The following GRID1 variants were observed in gnomAD, a reference collection of about 807,000 sequenced individuals.
GRID1 encodes the protein glutamate receptor ionotropic, delta-1.
In GRID1, 28 loss-of-function variants were observed where a neutral mutation model predicts 98.0. The ratio of observed to expected loss-of-function variants is 0.29; its 90% confidence interval spans 0.21 to 0.39. The LOEUF (loss-of-function observed/expected upper bound fraction) is 0.39, where lower values mean the gene tolerates loss of function less well. Ranked by LOEUF, GRID1 falls within the 10% of genes least tolerant of loss-of-function variation. The probability of loss-of-function intolerance (pLI) is 1.00; values close to 1 mark genes in which losing one functional copy is unlikely to be tolerated. For missense variants in GRID1, 1,111 were observed against 1,340.5 expected, an observed-to-expected ratio of 0.83 and a Z score of 2.67; for synonymous variants, 553 against 538.5, an observed-to-expected ratio of 1.03 and a Z score of -0.37.
chr10:86,295,927 C>T (rs1847582523), intron 2 of GRID1, among the ~76,000 whole-genome samples: 1 of 152,240 alleles, frequency 6.6e-6, no homozygotes, highest in South Asian at 2.1e-4. Flanking sequence ...CTGACTCAAA[C>T]ACCTCATCCA....
intron 2 of GRID1, among the ~76,000 whole-genome samples, chr10:86,292,512 A>C (rs1330959671): frequency 6.6e-6 from 1 of 152,216 alleles, no homozygotes; most frequent in Non-Finnish European, 1.5e-5. Context: ...CTCACAGATA[A>C]GCGTCGCCCC....
Position 86,159,642 on chromosome 10 carries a change from G to A in GRID1, c.521-20618C>T, listed in dbSNP as rs1411432762. Among the ~76,000 whole-genome samples, 3 of 152,212 alleles carry A rather than the reference G, an allele frequency of 2.0e-5. No individual in the cohort carries two copies. In the East Asian group the frequency reaches 5.8e-4, roughly 29 times the overall value. On this transcript the variant is annotated intron_variant, in intron 3 of 15. Transcript: ENST00000327946. ...ATATTTCTGTTAGAGCTGGGCCAGA[G>A]CCTTGTCTGTGCCACAGGACACAGC...
chr10:85,812,199 G>A (rs193101470), intron 8 of GRID1, among the ~76,000 whole-genome samples: 1 of 152,128 alleles, frequency 6.6e-6, no homozygotes, highest in Non-Finnish European at 1.5e-5. Context: ...ATGATTAAGG[G>A]AGTCCTACAT....
At chr10:86,194,591 G>A (rs181302647) in intron 3 of GRID1, among the ~76,000 whole-genome samples, 84 of 152,204 alleles carry the variant, frequency 5.5e-4, no homozygotes, top group African/African-American at 1.9e-3. Flanking sequence ...TGTGTATGTT[G>A]TTTTAATTTT....
At chr10:86,326,072 C>T (rs1358613101) in intron 2 of GRID1, among the ~76,000 whole-genome samples, 2 of 152,200 alleles carry the variant, frequency 1.3e-5, no homozygotes, top group East Asian at 1.9e-4. Context: ...AAATCAATAG[C>T]TTTCGTGTAT....
chr10:86,142,739 T>C (rs1002535545), intron 3 of GRID1, among the ~76,000 whole-genome samples: 2 of 152,254 alleles, frequency 1.3e-5, no homozygotes, highest in Admixed American at 6.5e-5. Flanking sequence ...TCCATGAGTA[T>C]GGTAGGGACA....
At chr10:86,149,185 G>C (rs1845128095) in intron 3 of GRID1, among the ~76,000 whole-genome samples, 1 of 152,222 alleles carries the variant, frequency 6.6e-6, no homozygotes, top group Admixed American at 6.5e-5. Flanking sequence ...TCTCCCTTCT[G>C]TGATAATGGA....
chr10:86,111,509 T>C (rs948730410), intron 4 of GRID1, among the ~76,000 whole-genome samples: 2 of 152,244 alleles, frequency 1.3e-5, no homozygotes, highest in Non-Finnish European at 2.9e-5. Context: ...GCCTGAAAGA[T>C]ACCTGTATGT....
chr10:86,138,758 AACC>A, intron 4 of GRID1, 58 bp downstream of exon 4: 2 of 1,379,672 alleles, frequency 1.4e-6, no homozygotes, highest in Non-Finnish European at 2.1e-6. Context: ...AGCCCACCTG[AACC>A]ATCTTCTGCA....
At chr10:85,703,228 C>T (rs1841473424) in intron 12 of GRID1, among the ~76,000 whole-genome samples, 1 of 152,022 alleles carries the variant, frequency 6.6e-6, no homozygotes, top group Admixed American at 6.6e-5. Context: ...GATATGCTGT[C>T]TCAGAAATCA....
intron 2 of GRID1, among the ~76,000 whole-genome samples, chr10:86,350,654 T>C (rs1176682887): frequency 2.0e-5 from 3 of 151,912 alleles, no homozygotes; most frequent in African/African-American, 7.3e-5. Flanking sequence ...CCTCTGCCTT[T>C]TTTAAAATTG....
At chr10:86,309,253 A>T (rs1847800523) in intron 2 of GRID1, among the ~76,000 whole-genome samples, 2 of 152,208 alleles carry the variant, frequency 1.3e-5, no homozygotes, top group African/African-American at 4.8e-5. Context: ...AATGGGGTCC[A>T]GATGAGACAA....
At chr10:86,191,957 G>C (rs1184695913) in intron 3 of GRID1, among the ~76,000 whole-genome samples, 1 of 152,184 alleles carries the variant, frequency 6.6e-6, no homozygotes, top group Non-Finnish European at 1.5e-5. Context: ...ATGAGAGAAA[G>C]GCCAGGGAGA....
intron 3 of GRID1, among the ~76,000 whole-genome samples, chr10:86,170,879 A>G (rs1845475195): frequency 6.6e-6 from 1 of 152,112 alleles, no homozygotes; most frequent in African/African-American, 2.4e-5. Context: ...TTAAAATAGC[A>G]TGTTTACTCA....
chr10:85,763,363 G>A (rs7095101), intron 8 of GRID1, among the ~76,000 whole-genome samples: 1 of 152,120 alleles, frequency 6.6e-6, no homozygotes, highest in African/African-American at 2.4e-5. Context: ...GAGAGGGCAG[G>A]CTGTAGGGGG....
At chr10:86,343,442 C>T (rs1248722930) in intron 2 of GRID1, among the ~76,000 whole-genome samples, 1 of 152,188 alleles carries the variant, frequency 6.6e-6, no homozygotes, top group Non-Finnish European at 1.5e-5. Flanking sequence ...TGGAAAGAAA[C>T]CCAATATCTT....
At chr10:86,125,163 A>G (rs1273801219) in intron 4 of GRID1, among the ~76,000 whole-genome samples, 1 of 152,218 alleles carries the variant, frequency 6.6e-6, no homozygotes, top group Non-Finnish European at 1.5e-5. Flanking sequence ...CTGGCAGTCG[A>G]ACATAAAAGC....
At chr10:85,672,376 T>G (rs951188944) in intron 12 of GRID1, among the ~76,000 whole-genome samples, 1 of 152,180 alleles carries the variant, frequency 6.6e-6, no homozygotes, top group Non-Finnish European at 1.5e-5. Context: ...GGTGCAATCT[T>G]GGCTCACTGC....
chr10:85,995,638 C>A (rs1336036157), intron 4 of GRID1, among the ~76,000 whole-genome samples: 1 of 152,184 alleles, frequency 6.6e-6, no homozygotes, highest in Admixed American at 6.5e-5. Flanking sequence ...GAGAAGAAAA[C>A]AAGAATTCAA....
Sources: gnomAD v4.1 joint callset for allele counts (sites outside exome capture counted in the v4.1 genomes callset) on GRCh38, gnomAD v4.1.1 for gene constraint, MANE v1.5 for transcripts, NCBI Gene and HGNC (gene_info 2026-07-23, HGNC 2026-07-21) for gene names.